Variants in TARS2 observed in about 807,000 individuals in gnomAD.
TARS2 encodes the protein threonyl-tRNA synthetase 2, mitochondrial.
A neutral mutation model predicts 94.4 loss-of-function variants in TARS2; 61 were observed. The observed-to-expected ratio is 0.65, with a 90% CI of 0.53 to 0.80. TARS2 has a LOEUF of 0.80. Among genes scored for constraint, TARS2 ranks in the 30% least tolerant of loss-of-function variants. The pLI, the probability that TARS2 is intolerant of heterozygous loss-of-function variation, is 0.00. For missense variants in TARS2, 704 were observed against 902.5 expected, an observed-to-expected ratio of 0.78 and a Z score of 2.82; for synonymous variants, 359 against 353.4, an observed-to-expected ratio of 1.02 and a Z score of -0.18.
At chr1:150,505,832 A>G in intron 17 of TARS2, 127 bp downstream of exon 17, 1 of 810,130 alleles carries the variant, frequency 1.2e-6, no homozygotes, top group Non-Finnish European at 1.9e-6. Context: ...AGGAGCCAGG[A>G]TTCAGGACAC....
At position 150,488,064 on chromosome 1, in the gene TARS2, C is replaced by T. The variant is rs1247587542; in HGVS notation, c.263+10C>T. On this transcript the variant is annotated intron_variant, in intron 2 of 17. Coordinates refer to ENST00000369064, the MANE Select transcript of TARS2 (RefSeq NM_025150.5). ...TAGCCCGGCAGATCAGGTAACAGGC[C>T]CATCCTGTAACTACCAGGATTATCC... 1.2e-6 allele frequency: 2 copies of T among 1,612,824 alleles called. No individual in the cohort carries two copies. Among genetic ancestry groups the T allele is most frequent in the African/African-American group, 2.7e-5 (2 of 74,908 alleles).
At chr1:150,504,475 C>G (rs1560258565) in intron 14 of TARS2, 40 bp downstream of exon 14, 2 of 1,602,444 alleles carry the variant, frequency 1.2e-6, no homozygotes, top group Admixed American at 3.3e-5. Context: ...CTTGACAGTG[C>G]ATGGAATAAG....
At chr1:150,506,104 C>T (rs1268825930) in intron 17 of TARS2, among the ~76,000 whole-genome samples, 1 of 152,130 alleles carries the variant, frequency 6.6e-6, no homozygotes, top group African/African-American at 2.4e-5. Context: ...CACTGCCATG[C>T]TCCCTTTTTC....
In TARS2 at chr1:150,507,144, T is replaced by C; in HGVS notation, c.*80T>C. The C allele has an allele frequency of 6.3e-7, 1 of 1,575,866 alleles. No homozygotes were observed. The highest frequency in any genetic ancestry group is 8.6e-7 in the Non-Finnish European group (1 of 1,158,376). ...TGGGAGACCCCAACCCAGCTGACAA[T>C]GTGGAGCCCCCAGAACTTCAGAACT... is the stretch of plus-strand genomic sequence containing the variant. On this transcript the variant is annotated 3_prime_UTR_variant, in exon 18 of 18. Coordinates refer to ENST00000369064, the MANE Select transcript of TARS2 (RefSeq NM_025150.5).
chr1:150,504,436 G>T lies in TARS2; in HGVS notation c.1718+1G>T, dbSNP rs1255717717. The T allele has an allele frequency of 6.2e-7, 1 of 1,614,008 alleles. No homozygotes were observed. ...TGAGATTTGACCTCCAGTATAAGGG[G>T]TATAAAACCTTGCCCTATCCTCTTT... On this transcript the variant is annotated splice_donor_variant, in intron 14 of 17. Transcript: ENST00000369064. LOFTEE classifies it high-confidence loss of function.
At chr1:150,497,492 G>C (rs761166200) in intron 9 of TARS2, 38 bp from the exon 10 acceptor site, 1 of 1,600,914 alleles carries the variant, frequency 6.2e-7, no homozygotes, top group Admixed American at 1.7e-5. Context: ...TTTCCTTCCA[G>C]TTACTCTGAC....
chr1:150,500,906 G>A (rs963969375), intron 13 of TARS2, among the ~76,000 whole-genome samples: 1 of 152,148 alleles, frequency 6.6e-6, no homozygotes, highest in Admixed American at 6.6e-5. Context: ...GTTGTAAAGG[G>A]AAGTTCCTGG....
In TARS2 at chr1:150,496,923, G is replaced by A. The variant is rs1057521898; in HGVS notation, c.1020+15G>A. 1.9e-6 allele frequency: 3 copies of A among 1,613,010 alleles called. No homozygotes were observed. Among genetic ancestry groups the A allele is most frequent in the Non-Finnish European group, 2.5e-6 (3 of 1,179,306 alleles). ...CGTTTATCAGGGTAAGGGGACCCAG[G>A]TCTAGAGGAAAGAAGACCAGGGAGG... On this transcript the variant is annotated intron_variant, in intron 9 of 17. Transcript: ENST00000369064.
Position 150,498,837 on chromosome 1 carries a change from G to A in TARS2, c.1402-60G>A. The A allele has an allele frequency of 3.7e-6, 6 of 1,611,084 alleles. No homozygotes were observed. The South Asian group carries it at 4.4e-5, about 12-fold the overall frequency. ...TTTTGCCCTTTGTTTTCCTCAAACT[G>A]CCAGCATCCCTGATCTCTAGCGGGC... On this transcript the variant is annotated intron_variant, in intron 11 of 17. Transcript: ENST00000369064.
In TARS2 at chr1:150,488,066, A is replaced by G. The variant is rs1285373343; in HGVS notation, c.263+12A>G. 6 of 1,612,586 alleles carry G rather than the reference A, an allele frequency of 3.7e-6. No individual in the cohort carries two copies. The highest frequency in any genetic ancestry group is 5.1e-6 in the Non-Finnish European group (6 of 1,179,222). On this transcript the variant is annotated intron_variant, in intron 2 of 17. Transcript: ENST00000369064. ...GCCCGGCAGATCAGGTAACAGGCCC[A>G]TCCTGTAACTACCAGGATTATCCTT...
chr1:150,496,425 A>G, intron 7 of TARS2, 57 bp from the exon 8 acceptor site: 1 of 1,534,884 alleles, frequency 6.5e-7, no homozygotes, highest in Non-Finnish European at 8.8e-7. Flanking sequence ...TGAGTCTTGA[A>G]AAAGGTGGGG....
At chr1:150,495,708 T>TTTTG (rs895888605) in intron 7 of TARS2, among the ~76,000 whole-genome samples, 33 of 136,882 alleles carry the variant, frequency 2.4e-4, no homozygotes, top group Non-Finnish European at 3.3e-4. Flanking sequence ...ATTAGTACTT[T>TTTTG]TTTGTTTGTT....
At chr1:150,496,687 A>G in intron 8 of TARS2, 59 bp downstream of exon 8, 1 of 1,598,490 alleles carries the variant, frequency 6.3e-7, no homozygotes, top group South Asian at 1.1e-5. Context: ...AGATGACAGA[A>G]CCTGATTATG....
intron 7 of TARS2, among the ~76,000 whole-genome samples, chr1:150,493,129 A>G (rs1308589745): frequency 1.3e-5 from 2 of 152,018 alleles, no homozygotes; most frequent in Non-Finnish European, 2.9e-5. Flanking sequence ...TCAGCCTCCC[A>G]AAGTGCTGGG....
intron 7 of TARS2, among the ~76,000 whole-genome samples, chr1:150,494,129 G>T (rs1669531939): frequency 6.6e-6 from 1 of 152,156 alleles, no homozygotes; most frequent in African/African-American, 2.4e-5. Context: ...ACTTTGGGGA[G>T]GGTGAGGCAG....
chr1:150,504,688 T>G lies in TARS2; in HGVS notation c.1775T>G (p.Val592Gly). ...ATTCACCGAGCAGTGCTCGGTTCTGTGGAAAGACTGTTGGGAGTGCTGGCA... is the reference window on the plus strand; with the variant it reads ...ATTCACCGAGCAGTGCTCGGTTCTGGGGAAAGACTGTTGGGAGTGCTGGCA... ...VLIHRAVLGSVERLLGVLAES... is the reference protein window; with the variant it reads ...VLIHRAVLGSGERLLGVLAES... The change falls in exon 15 of 18, where the codon GTG (valine) becomes GGG (glycine). Residue 592 changes from valine to glycine, a missense_variant. Around this residue, in one of 3 missense-constraint regions of TARS2, gnomAD observed 466 missense variants for 609.5 expected, o/e 0.76. Coordinates refer to ENST00000369064, the MANE Select transcript of TARS2 (RefSeq NM_025150.5). 6.2e-7 allele frequency: 1 copy of G among 1,614,082 alleles called. No individual in the cohort carries two copies. The highest frequency in any genetic ancestry group is 8.5e-7 in the Non-Finnish European group (1 of 1,179,980).
intron 8 of TARS2, 61 bp from the exon 9 acceptor site, chr1:150,496,749 T>C: frequency 6.2e-7 from 1 of 1,609,364 alleles, no homozygotes; most frequent in South Asian, 1.1e-5. Flanking sequence ...TCAGTTGTTC[T>C]GAGTTCCAAA....
chr1:150,504,831 G>T (rs948186185), intron 15 of TARS2, 75 bp from the exon 16 acceptor site: 9 of 1,608,720 alleles, frequency 5.6e-6, no homozygotes, highest in Middle Eastern at 1.6e-4. Flanking sequence ...TCCTTCTCAA[G>T]TCTGCTCCAT....
In TARS2 at chr1:150,504,364, C is replaced by T. The variant is rs778114276; in HGVS notation, c.1647C>T (p.Gly549=). ...ACGTGCACCTCCACGATGCCCTGGGCCGGCCACATCAGTGTGGGACAATTC... is the reference window on the plus strand; with the variant it reads ...ACGTGCACCTCCACGATGCCCTGGGTCGGCCACATCAGTGTGGGACAATTC... ...KIDVHLHDAL[G]RPHQCGTIQL... is the part of the protein sequence containing the mutation. The change falls in exon 14 of 18, where the codon GGC becomes GGT. Residue 549 remains glycine, a synonymous_variant. Coordinates refer to ENST00000369064, the MANE Select transcript of TARS2 (RefSeq NM_025150.5). 1 of 1,614,090 alleles carries T rather than the reference C, an allele frequency of 6.2e-7. No individual in the cohort carries two copies. The highest frequency in any genetic ancestry group is 8.5e-7 in the Non-Finnish European group (1 of 1,180,016).
Sources: allele counts gnomAD v4.1 joint callset (sites outside exome capture counted in the v4.1 genomes callset), GRCh38; gene constraint gnomAD v4.1.1; regional missense constraint gnomAD v4.1.1; transcripts MANE v1.5; gene names NCBI Gene and HGNC (gene_info 2026-07-23, HGNC 2026-07-21).